RNF146: variants seen among roughly 807,000 people sequenced by gnomAD.
The protein encoded by RNF146 is ring finger protein 146, also known as E3 ubiquitin-protein ligase RNF146.
RNF146 carries 11 observed loss-of-function variants against 29.7 expected under a neutral mutation model. That is an observed-to-expected ratio of 0.37 (90% confidence interval 0.23 to 0.61). The LOEUF (loss-of-function observed/expected upper bound fraction) is 0.61, where lower values mean the gene tolerates loss of function less well. Ranked by LOEUF, RNF146 falls within the 20% of genes least tolerant of loss-of-function variation. The pLI is 0.66. For missense variants in RNF146, 342 were observed against 438.9 expected, an observed-to-expected ratio of 0.78 and a Z score of 1.97; for synonymous variants, 150 against 159.7, an observed-to-expected ratio of 0.94 and a Z score of 0.46.
intron 1 of RNF146, among the ~76,000 whole-genome samples, chr6:127,270,243 C>CT (rs1777275734): frequency 6.6e-6 from 1 of 152,102 alleles, no homozygotes; most frequent in South Asian, 2.1e-4. Context: ...CCCTAAACCC[C>CT]TTTGTGTATT....
At chr6:127,285,342 G>T (rs1779370423) in intron 2 of RNF146, 1 of 984,762 alleles carries the variant, frequency 1.0e-6, no homozygotes, top group African/African-American at 1.7e-5. Context: ...TTCAATTTTT[G>T]ATGAGCGTAA....
At chr6:127,272,605 C>T (rs183560809) in intron 1 of RNF146, among the ~76,000 whole-genome samples, 14 of 152,214 alleles carry the variant, frequency 9.2e-5, no homozygotes, top group Non-Finnish European at 1.8e-4. Flanking sequence ...TTATTGGTTG[C>T]ATAAGATGGC....
At chr6:127,278,707 C>CT (rs1257143674) in intron 1 of RNF146, among the ~76,000 whole-genome samples, 1 of 151,930 alleles carries the variant, frequency 6.6e-6, no homozygotes, top group Non-Finnish European at 1.5e-5. Context: ...GCTGTGTTAG[C>CT]TTTTTGAGGA....
chr6:127,279,435 T>G (rs1268945491), intron 1 of RNF146, among the ~76,000 whole-genome samples: 1 of 151,874 alleles, frequency 6.6e-6, no homozygotes, highest in African/African-American at 2.4e-5. Flanking sequence ...GCTATTGATG[T>G]ATGAGTTTAT....
At chr6:127,273,108 G>A (rs191402346) in intron 1 of RNF146, among the ~76,000 whole-genome samples, 35 of 152,198 alleles carry the variant, frequency 2.3e-4, no homozygotes, top group African/African-American at 8.4e-4. Flanking sequence ...ATCACTAGTG[G>A]CACTTCACAT....
Position 127,287,800 on chromosome 6 carries a change from G to A in RNF146, c.*107G>A. ...AGTAGTGCATTTTGGGAGTTGGGGT[G>A]GGAAGGGGTATGGGAAGGATAGACT... On this transcript the variant is annotated 3_prime_UTR_variant, in exon 3 of 3. Coordinates refer to ENST00000368314, the MANE Select transcript of RNF146 (RefSeq NM_001242850.2). The A allele has an allele frequency of 1.4e-6, 1 of 709,628 alleles. No individual in the cohort carries two copies. Among genetic ancestry groups the A allele is most frequent in the East Asian group, 2.5e-5 (1 of 39,820 alleles). The allele number at this position is 709,628 out of a possible 1,614,324, so 44.0% of individuals were successfully genotyped here. A position where few individuals can be genotyped will look rare whatever the true frequency, so the allele number is the denominator to read the frequency against.
At chr6:127,281,841 G>C (rs985116544) in intron 2 of RNF146, among the ~76,000 whole-genome samples, 1 of 151,602 alleles carries the variant, frequency 6.6e-6, no homozygotes, top group African/African-American at 2.4e-5. Context: ...TGAGGGGTTA[G>C]CTTTGTAAAC....
intron 2 of RNF146, among the ~76,000 whole-genome samples, chr6:127,281,091 C>T (rs966670241): frequency 4.0e-5 from 6 of 151,356 alleles, no homozygotes; most frequent in African/African-American, 1.5e-4. Flanking sequence ...TCACATTTTC[C>T]CAGTTTGACA....
At chr6:127,280,030 AC>A (rs1208985831) in intron 1 of RNF146, among the ~76,000 whole-genome samples, 200 bp from the exon 2 acceptor site, 3 of 151,560 alleles carry the variant, frequency 2.0e-5, no homozygotes, top group Non-Finnish European at 1.5e-5. Context: ...CTTCCTCCTT[AC>A]CCGTCTGTAT....
At chr6:127,271,694 G>A (rs1428003138) in intron 1 of RNF146, among the ~76,000 whole-genome samples, 2 of 152,132 alleles carry the variant, frequency 1.3e-5, no homozygotes, top group Non-Finnish European at 2.9e-5. Flanking sequence ...GTATGCATAC[G>A]CTTACCCAAG....
chr6:127,274,097 A>C (rs1009168929), intron 1 of RNF146, among the ~76,000 whole-genome samples: 19 of 152,036 alleles, frequency 1.2e-4, no homozygotes, highest in African/African-American at 4.6e-4. Context: ...GCTATTGATA[A>C]GTTACTTGAA....
Position 127,282,603 on chromosome 6 carries a change from A to G in RNF146, c.2+2263A>G, listed in dbSNP as rs550966777. Among the ~76,000 whole-genome samples, 19 of 151,766 alleles carry G rather than the reference A, an allele frequency of 1.3e-4. No individual in the cohort carries two copies. In the South Asian group the frequency reaches 3.9e-3, roughly 31 times the overall value. On this transcript the variant is annotated intron_variant, in intron 2 of 2. Coordinates refer to ENST00000368314, the MANE Select transcript of RNF146 (RefSeq NM_001242850.2). ...ATTTCTTTTTCCTTAGCATTCTTCT[A>G]TTCTATTGTTGGAAACTTACATCAG...
At chr6:127,284,167 G>A (rs1383636795) in intron 2 of RNF146, among the ~76,000 whole-genome samples, 3 of 151,700 alleles carry the variant, frequency 2.0e-5, no homozygotes, top group Admixed American at 6.6e-5. Flanking sequence ...AATACAATAG[G>A]TTTGGAATTA....
chr6:127,278,900 A>C (rs1393808564), intron 1 of RNF146, among the ~76,000 whole-genome samples: 1 of 151,936 alleles, frequency 6.6e-6, no homozygotes, highest in East Asian at 1.9e-4. Flanking sequence ...AATAATGTTA[A>C]GGATCTTTTT....
At position 127,286,598 on chromosome 6, in the gene RNF146, A is replaced by G. The variant is rs189852878; in HGVS notation, c.3-18A>G. 1.6e-4 allele frequency: 259 copies of G among 1,581,262 alleles called. No individual in the cohort carries two copies. In the African/African-American group the frequency reaches 2.4e-3, roughly 15 times the overall value. ...AGAATTAAAACATGACTTTAATATT[A>G]TATGTATTTTTTCTTAGGATGGCTG... On this transcript the variant is annotated intron_variant, in intron 2 of 2. Coordinates refer to ENST00000368314, the MANE Select transcript of RNF146 (RefSeq NM_001242850.2). This position sits in a 1 kb window ranked among gnomAD's most constrained non-coding sequence, Gnocchi z 4.6.
intron 2 of RNF146, 78 bp downstream of exon 2, chr6:127,280,418 C>G (rs1172417623): frequency 6.7e-7 from 1 of 1,491,392 alleles, no homozygotes; most frequent in Non-Finnish European, 9.1e-7. Context: ...AATTGAGTAT[C>G]TGTCATATGT....
intron 1 of RNF146, among the ~76,000 whole-genome samples, chr6:127,273,450 CTA>C (rs1206289245): frequency 6.6e-6 from 1 of 152,056 alleles, no homozygotes; most frequent in Non-Finnish European, 1.5e-5. Context: ...ATAAAATAGA[CTA>C]TATATGTTTT....
In RNF146 at chr6:127,287,635, T is replaced by G; in HGVS notation, c.1022T>G (p.Val341Gly). 6.2e-7 allele frequency: 1 copy of G among 1,610,344 alleles called. No homozygotes were observed. The highest frequency in any genetic ancestry group is 8.5e-7 in the Non-Finnish European group (1 of 1,177,758). ...CGATCAGTAGCAGGGGGTGGAACAGTGAGTGTCAGTGTCAGATCTAGAAGG... is the reference window on the plus strand; with the variant it reads ...CGATCAGTAGCAGGGGGTGGAACAGGGAGTGTCAGTGTCAGATCTAGAAGG... ...TDRSVAGGGT[V>G]SVSVRSRRPD... is the part of the protein sequence containing the mutation. The change falls in exon 3 of 3, where the codon GTG becomes GGG. Residue 341 changes from valine (V) to glycine (G), a missense_variant. Around this residue, in one of 6 missense-constraint regions of RNF146, gnomAD observed 196 missense variants for 208.9 expected, o/e 0.94. Coordinates refer to ENST00000368314, the MANE Select transcript of RNF146 (RefSeq NM_001242850.2).
chr6:127,275,333 A>T (rs1201011358), intron 1 of RNF146, among the ~76,000 whole-genome samples: 1 of 152,178 alleles, frequency 6.6e-6, no homozygotes, highest in African/African-American at 2.4e-5. Flanking sequence ...TTTAAGTTAT[A>T]TAAAGCAAGG....
Sources: gnomAD v4.1 joint callset for allele counts (sites outside exome capture counted in the v4.1 genomes callset) on GRCh38, gnomAD v4.1.1 for gene constraint, gnomAD v4.1.1 regional missense constraint, Gnocchi (gnomAD v3.1) non-coding constraint, MANE v1.5 for transcripts, NCBI Gene and HGNC (gene_info 2026-07-23, HGNC 2026-07-21) for gene names.